PHF14: variants seen among roughly 807,000 people sequenced by gnomAD.
PHF14 encodes the protein PHD finger protein 14.
A neutral mutation model predicts 117.9 loss-of-function variants in PHF14; 55 were observed. The observed-to-expected ratio is 0.47, with a 90% confidence interval of 0.38 to 0.58. PHF14 has a LOEUF of 0.58. Ranked by LOEUF, PHF14 falls within the 20% of genes least tolerant of loss-of-function variation. The pLI is 0.00. For synonymous variants in PHF14, 409 were observed against 368.6 expected (o/e 1.11, Z -1.26); for missense variants, 978 against 1,122.2 (o/e 0.87, Z 1.84).
chr7:11,068,397 C>T (rs1337038807), intron 16 of PHF14, among the ~76,000 whole-genome samples: 1 of 146,180 alleles, frequency 6.8e-6, no homozygotes, highest in Non-Finnish European at 1.5e-5. Flanking sequence ...CATAGATGAA[C>T]CTTGAGAACG....
intron 17 of PHF14, among the ~76,000 whole-genome samples, chr7:11,140,286 C>T (rs1385119652): frequency 2.0e-5 from 3 of 152,094 alleles, no homozygotes; most frequent in African/African-American, 7.2e-5. Context: ...TTTATCCTTA[C>T]TATGTGCGAT....
chr7:11,012,006 A>G, intron 4 of PHF14, among the ~76,000 whole-genome samples: 1 of 152,184 alleles, frequency 6.6e-6, no homozygotes, highest in Non-Finnish European at 1.5e-5. Flanking sequence ...AGGCATCTTG[A>G]TGCTGAGAAA....
In PHF14 at chr7:11,035,720, G is replaced by A; in HGVS notation, c.1536G>A (p.Leu512=). ...LDRKWKRKNY[L]ALQSYCKMSL... is the part of the protein sequence containing the mutation. ...GAAAGTGGAAGAGAAAAAACTACTTGGCTCTACAGTCCTATTGTAAAATGT... is the reference window on the plus strand; with the variant it reads ...GAAAGTGGAAGAGAAAAAACTACTTAGCTCTACAGTCCTATTGTAAAATGT... The change falls in exon 8 of 18, where the codon TTG becomes TTA. Residue 512 remains leucine (L), a synonymous_variant. Coordinates refer to ENST00000634607, the MANE Select transcript of PHF14 (RefSeq NM_001007157.2). 1 of 1,610,736 alleles carries A rather than the reference G, an allele frequency of 6.2e-7. No homozygotes were observed.
chr7:11,163,864 T>G (rs1798409465), intron 17 of PHF14, among the ~76,000 whole-genome samples: 4 of 152,204 alleles, frequency 2.6e-5, no homozygotes, highest in African/African-American at 9.6e-5. Flanking sequence ...TGACCACAGA[T>G]GGAAGCCAAG....
intron 16 of PHF14, chr7:11,063,302 T>TC (rs1168937318): frequency 2.0e-6 from 2 of 983,998 alleles, no homozygotes; most frequent in African/African-American, 3.5e-5. Flanking sequence ...AGTAAGTAGT[T>TC]CCAAGTTCAG....
Position 11,065,071 on chromosome 7 carries a change from A to G in PHF14, c.2654+2986A>G, listed in dbSNP as rs187396992. On this transcript the variant is annotated intron_variant, in intron 16 of 17. Transcript: ENST00000634607. ...TGTCCTGTTGTATATAATTTTGTCT[A>G]GAATCTAGGAGACAAAAGGAAATTT... 3.9e-5 allele frequency among the ~76,000 whole-genome samples: 6 copies of G among 152,208 alleles called. No homozygotes were observed. The East Asian group carries it at 9.6e-4, about 24-fold the overall frequency.
intron 6 of PHF14, among the ~76,000 whole-genome samples, chr7:11,027,415 A>G (rs937583890): frequency 2.0e-5 from 3 of 152,082 alleles, no homozygotes; most frequent in African/African-American, 7.2e-5. Flanking sequence ...ATATTAAACA[A>G]TTCTTTAATT....
chr7:11,053,433 T>C (rs991468035), intron 14 of PHF14, among the ~76,000 whole-genome samples: 5 of 152,064 alleles, frequency 3.3e-5, no homozygotes, highest in Non-Finnish European at 7.4e-5. Flanking sequence ...ATATATTTTG[T>C]TTATAAGGGA....
chr7:11,064,894 G>GT (rs1401122699), intron 16 of PHF14, among the ~76,000 whole-genome samples: 1 of 151,956 alleles, frequency 6.6e-6, no homozygotes, highest in Non-Finnish European at 1.5e-5. Context: ...TAATTGCTGA[G>GT]TGATAGTAAG....
At chr7:11,069,866 T>C (rs878857296) in intron 16 of PHF14, among the ~76,000 whole-genome samples, 2 of 150,698 alleles carry the variant, frequency 1.3e-5, no homozygotes, top group Non-Finnish European at 3.0e-5. Context: ...ATTTATTTTT[T>C]TCTGGTAGAA....
chr7:10,996,500 A>G (rs1303841968), intron 4 of PHF14, among the ~76,000 whole-genome samples: 1 of 152,196 alleles, frequency 6.6e-6, no homozygotes, highest in Non-Finnish European at 1.5e-5. Flanking sequence ...AGAGTCAGTA[A>G]ATGTGTCAAA....
intron 5 of PHF14, chr7:11,015,252 C>T (rs1031491379): frequency 3.3e-5 from 5 of 151,634 alleles, no homozygotes; most frequent in African/African-American, 1.2e-4. Flanking sequence ...TCATTTTTGC[C>T]TCAATTGGTG....
intron 16 of PHF14, chr7:11,107,674 C>G (rs1396300770): frequency 1.5e-6 from 1 of 649,746 alleles, no homozygotes; most frequent in East Asian, 1.4e-4. Context: ...TAATAATGTG[C>G]TATTCGTATA....
At chr7:11,013,622 T>G in intron 4 of PHF14, 125 bp from the exon 5 acceptor site, 1 of 521,558 alleles carries the variant, frequency 1.9e-6, no homozygotes, top group Non-Finnish European at 3.4e-6. Context: ...TTTAATACGT[T>G]TCTTATAAAC....
At chr7:11,127,972 G>GTATT (rs1162614682) in intron 17 of PHF14, among the ~76,000 whole-genome samples, 1 of 151,626 alleles carries the variant, frequency 6.6e-6, no homozygotes, top group Non-Finnish European at 1.5e-5. Flanking sequence ...AGACCTCCAG[G>GTATT]CCACCATTTA....
chr7:11,061,953 T>C lies in PHF14; in HGVS notation c.2533-11T>C. ...TTGTTATGTTTTATTTTATTATCCC[T>C]TGTATGGCAGGAAAGAGTTCCTAGA... On this transcript the variant is annotated splice_polypyrimidine_tract_variant and intron_variant, in intron 15 of 17. Coordinates refer to ENST00000634607, the MANE Select transcript of PHF14 (RefSeq NM_001007157.2). The C allele has an allele frequency of 6.3e-7, 1 of 1,579,810 alleles. No individual in the cohort carries two copies. The highest frequency in any genetic ancestry group is 1.2e-5 in the South Asian group (1 of 85,476).
At chr7:10,995,896 C>T (rs906242608) in intron 4 of PHF14, among the ~76,000 whole-genome samples, 17 of 152,216 alleles carry the variant, frequency 1.1e-4, no homozygotes, top group Non-Finnish European at 2.1e-4. Flanking sequence ...CCGGTTCCCA[C>T]CCGTGCCTCT....
chr7:11,103,716 T>G, intron 16 of PHF14: 5 of 984,414 alleles, frequency 5.1e-6, no homozygotes, highest in Non-Finnish European at 6.0e-6. Flanking sequence ...GGTAATGTTA[T>G]AGATAATCAA....
chr7:11,087,140 C>A (rs2128337803), intron 16 of PHF14, among the ~76,000 whole-genome samples: 1 of 151,938 alleles, frequency 6.6e-6, no homozygotes, highest in African/African-American at 2.4e-5. Context: ...AAATTGAGAA[C>A]TCCTAATTTA....
Sources: allele counts gnomAD v4.1 joint callset (sites outside exome capture counted in the v4.1 genomes callset), GRCh38; gene constraint gnomAD v4.1.1; transcripts MANE v1.5; gene names NCBI Gene and HGNC (gene_info 2026-07-23, HGNC 2026-07-21).